XKR6: variants seen among roughly 807,000 people sequenced by gnomAD.
XKR6 encodes the protein XK-related protein 6.
In XKR6, 22 loss-of-function variants were observed where a neutral mutation model predicts 56.7. The observed-to-expected ratio is 0.39, with a 90% CI of 0.28 to 0.55. XKR6 has a LOEUF of 0.55. Ranked by LOEUF, XKR6 falls within the 20% of genes least tolerant of loss-of-function variation. The pLI, the probability that XKR6 is intolerant of heterozygous loss-of-function variation, is 0.66. For missense variants in XKR6, 852 were observed against 889.0 expected (o/e 0.96, Z 0.53); for synonymous variants, 524 against 387.8 (o/e 1.35, Z -4.13).
chr8:11,098,052 G>C (rs1213807273), intron 1 of XKR6, among the ~76,000 whole-genome samples: 2 of 152,144 alleles, frequency 1.3e-5, no homozygotes, highest in Admixed American at 1.3e-4. Flanking sequence ...ACACTGTTGT[G>C]AAAGTTGTTG....
intron 1 of XKR6, among the ~76,000 whole-genome samples, chr8:11,011,410 G>A (rs1372257275): frequency 6.6e-6 from 1 of 152,218 alleles, no homozygotes; most frequent in African/African-American, 2.4e-5. Context: ...AGCGGACGAG[G>A]CTGGAAAGCA....
intron 2 of XKR6, among the ~76,000 whole-genome samples, chr8:10,913,223 T>TA (rs1390756176): frequency 6.6e-6 from 1 of 151,952 alleles, no homozygotes; most frequent in Non-Finnish European, 1.5e-5. Flanking sequence ...GTTCATATAC[T>TA]TGTTCATTGC....
chr8:11,050,054 C>T (rs942434238), intron 1 of XKR6, among the ~76,000 whole-genome samples: 2 of 152,154 alleles, frequency 1.3e-5, no homozygotes, highest in Non-Finnish European at 2.9e-5. Flanking sequence ...TTGAGCAACA[C>T]GCTCCAGTCC....
intron 1 of XKR6, among the ~76,000 whole-genome samples, chr8:10,978,170 T>C (rs1802623116): frequency 6.6e-6 from 1 of 152,170 alleles, no homozygotes. Flanking sequence ...CATCACCACC[T>C]AAGCCCTAAC....
At chr8:10,933,026 G>C (rs1367138512) in intron 1 of XKR6, among the ~76,000 whole-genome samples, 1 of 151,984 alleles carries the variant, frequency 6.6e-6, no homozygotes, top group Non-Finnish European at 1.5e-5. Context: ...GGTTGAACTA[G>C]TTTACAGTCC....
chr8:10,963,546 CTTT>C (rs35470964), intron 1 of XKR6, among the ~76,000 whole-genome samples: 3 of 146,112 alleles, frequency 2.1e-5, no homozygotes, highest in Non-Finnish European at 1.5e-5. Flanking sequence ...AAGACCCTTC[CTTT>C]TTTTTTTTTT....
At chr8:10,946,241 G>C (rs970331713) in intron 1 of XKR6, among the ~76,000 whole-genome samples, 6 of 152,020 alleles carry the variant, frequency 3.9e-5, no homozygotes, top group African/African-American at 1.5e-4. Flanking sequence ...CTGCCCACAG[G>C]AGGGAAACAC....
rs565689545 is a variant in XKR6 at position 11,174,688 on chromosome 8, A to T, written c.764+25888T>A. 2.6e-5 allele frequency among the ~76,000 whole-genome samples: 4 copies of T among 152,272 alleles called. No homozygotes were observed. The East Asian group carries it at 7.7e-4, about 29-fold the overall frequency. On this transcript the variant is annotated intron_variant, in intron 1 of 2. Transcript: ENST00000416569. ...GTCTTCCTCTGGTTACTTACCAACC[A>T]CCCAGAGGTCACGCTCAGTTACAGG...
At chr8:11,095,610 G>A (rs1454797682) in intron 1 of XKR6, among the ~76,000 whole-genome samples, 5 of 152,200 alleles carry the variant, frequency 3.3e-5, no homozygotes, top group East Asian at 1.9e-4. Flanking sequence ...GTGACAAAAC[G>A]CACCCGCCAT....
Position 11,055,865 on chromosome 8 carries a change from T to C in XKR6, c.765-131035A>G, listed in dbSNP as rs1799669946. Among the ~76,000 whole-genome samples the C allele has an allele frequency of 2.0e-5, 3 of 152,278 alleles. No homozygotes were observed. The South Asian group carries it at 6.2e-4, about 32-fold the overall frequency. The stretch of plus-strand genomic sequence containing the variant: ...GGCTGGGGAACCTGGATCACAGTTC[T>C]GGTCACACAACCTCCTCGTAAAACC... On this transcript the variant is annotated intron_variant, in intron 1 of 2. Coordinates refer to ENST00000416569, the MANE Select transcript of XKR6 (RefSeq NM_173683.4).
chr8:10,908,809 T>A (rs1020923830), intron 2 of XKR6, among the ~76,000 whole-genome samples: 1 of 152,180 alleles, frequency 6.6e-6, no homozygotes, highest in African/African-American at 2.4e-5. Flanking sequence ...GCCTCCTGAA[T>A]GGATTGGTGC....
intron 1 of XKR6, among the ~76,000 whole-genome samples, chr8:11,067,752 A>G (rs973771275): frequency 2.0e-5 from 3 of 152,192 alleles, no homozygotes; most frequent in Non-Finnish European, 4.4e-5. Flanking sequence ...TGGCAGGTCC[A>G]GAGAATGGGG....
chr8:10,961,903 G>C (rs866222389), intron 1 of XKR6, among the ~76,000 whole-genome samples: 8 of 152,184 alleles, frequency 5.3e-5, no homozygotes, highest in African/African-American at 1.9e-4. Flanking sequence ...AAGAATCATT[G>C]TTTCATTGAC....
At position 11,141,317 on chromosome 8, in the gene XKR6, A is replaced by G. The variant is rs1385810057; in HGVS notation, c.764+59259T>C. Among the ~76,000 whole-genome samples, 16 of 152,128 alleles carry G rather than the reference A, an allele frequency of 1.1e-4. 1 individual carries two copies. The highest frequency in any genetic ancestry group is 9.8e-4 in the Admixed American group (15 of 15,276). ...TCCTATGTTGAAACACTAATCCCCA[A>G]CACCATAGCACTGGGAGGCAGGATC... On this transcript the variant is annotated intron_variant, in intron 1 of 2. Transcript: ENST00000416569.
chr8:11,037,141 C>A (rs1332423778), intron 1 of XKR6, among the ~76,000 whole-genome samples: 1 of 152,196 alleles, frequency 6.6e-6, no homozygotes, highest in East Asian at 1.9e-4. Flanking sequence ...CTGTTTCACC[C>A]AACAATTATA....
In XKR6 at chr8:10,958,406, T is replaced by C. The variant is rs146487732; in HGVS notation, c.765-33576A>G. On this transcript the variant is annotated intron_variant, in intron 1 of 2. Coordinates refer to ENST00000416569, the MANE Select transcript of XKR6 (RefSeq NM_173683.4). ...ACTGTGCTTCATTTGGTGAAATCAA[T>C]AGTGACAATGGGCTGCCCAGTTGGT... 1.1e-3 allele frequency among the ~76,000 whole-genome samples: 166 copies of C among 152,310 alleles called. 2 individuals carry two copies. Among genetic ancestry groups the C allele is most frequent in the Non-Finnish European group, 4.0e-4 (27 of 68,024 alleles).
rs115701613 is a variant in XKR6, at chr8:11,082,656, C to T, written c.764+117920G>A. Among the ~76,000 whole-genome samples, 406 of 152,340 alleles carry T rather than the reference C, an allele frequency of 2.7e-3. 2 individuals carry two copies. Among genetic ancestry groups the T allele is most frequent in the African/African-American group, 9.5e-3 (396 of 41,580 alleles). On this transcript the variant is annotated intron_variant, in intron 1 of 2. Coordinates refer to ENST00000416569, the MANE Select transcript of XKR6 (RefSeq NM_173683.4). ...AGAAAGTCAAACAAGAGTCCTCTGT[C>T]CCAACAGCAGTCCCCAAAGTCACCC...
intron 1 of XKR6, among the ~76,000 whole-genome samples, chr8:11,183,099 G>A (rs1453422109): frequency 2.0e-5 from 3 of 152,020 alleles, no homozygotes. Flanking sequence ...TATCCATTTT[G>A]TTTATTCACT....
At chr8:10,935,806 A>T (rs62490724) in intron 1 of XKR6, among the ~76,000 whole-genome samples, 16 of 128,410 alleles carry the variant, frequency 1.2e-4, no homozygotes, top group Non-Finnish European at 1.6e-4. Flanking sequence ...TGCTGAGGAG[A>T]GCTTTACTTC....
Sources: gnomAD v4.1 joint callset for allele counts (sites outside exome capture counted in the v4.1 genomes callset) on GRCh38, gnomAD v4.1.1 for gene constraint, MANE v1.5 for transcripts, NCBI Gene and HGNC (gene_info 2026-07-23, HGNC 2026-07-21) for gene names.